SYNPR: variants seen among roughly 807,000 people sequenced by gnomAD.
SYNPR encodes the protein synaptoporin.
Under a neutral mutation model 32.9 loss-of-function variants are expected in SYNPR, and 23 were observed. The observed-to-expected ratio is 0.70, with a 90% confidence interval of 0.50 to 0.99. The LOEUF is 0.99. SYNPR is among the 50% of genes least tolerant of loss of function. SYNPR has a pLI of 0.00. For synonymous variants in SYNPR, 146 were observed against 135.9 expected, an observed-to-expected ratio of 1.07 and a Z score of -0.52; for missense variants, 318 against 349.3, an observed-to-expected ratio of 0.91 and a Z score of 0.71.
intron 2 of SYNPR, among the ~76,000 whole-genome samples, chr3:63,354,870 C>A (rs999973344): frequency 1.3e-5 from 2 of 152,172 alleles, no homozygotes; most frequent in African/African-American, 4.8e-5. Context: ...ATTTGTTGAG[C>A]ACTTTCACAT....
chr3:63,298,782 A>T (rs1308492996), intron 2 of SYNPR, among the ~76,000 whole-genome samples: 1 of 152,164 alleles, frequency 6.6e-6, no homozygotes, highest in Non-Finnish European at 1.5e-5. Flanking sequence ...AATGGAAGTA[A>T]AGCAATAGTG....
chr3:63,448,598 T>C (rs1700322287), intron 2 of SYNPR, among the ~76,000 whole-genome samples: 1 of 152,100 alleles, frequency 6.6e-6, no homozygotes, highest in Non-Finnish European at 1.5e-5. Flanking sequence ...TGAAATTGAA[T>C]GGCAGAGGAA....
At chr3:63,488,767 T>C (rs1324766804) in intron 3 of SYNPR, among the ~76,000 whole-genome samples, 1 of 152,156 alleles carries the variant, frequency 6.6e-6, no homozygotes, top group African/African-American at 2.4e-5. Flanking sequence ...ATGACAGTCC[T>C]GTTTGGAAGT....
intron 2 of SYNPR, among the ~76,000 whole-genome samples, chr3:63,461,687 T>C (rs1056442207): frequency 2.6e-5 from 4 of 151,818 alleles, no homozygotes; most frequent in Non-Finnish European, 4.4e-5. Flanking sequence ...AAGAAGGGTG[T>C]CTCTGGATTT....
chr3:63,204,715 G>A, the SYNPR span, among the ~76,000 whole-genome samples: 1 of 150,842 alleles, frequency 6.6e-6, no homozygotes, highest in Non-Finnish European at 1.5e-5. Flanking sequence ...AGACAGTCTC[G>A]CTCTGTCACC....
chr3:63,420,457 A>G (rs1385426167), intron 2 of SYNPR, among the ~76,000 whole-genome samples: 1 of 152,210 alleles, frequency 6.6e-6, no homozygotes, highest in Non-Finnish European at 1.5e-5. Flanking sequence ...AATCAGTGCA[A>G]AAATGAACTA....
At chr3:63,349,151 G>A (rs2087474679) in intron 2 of SYNPR, among the ~76,000 whole-genome samples, 1 of 151,284 alleles carries the variant, frequency 6.6e-6, no homozygotes, top group South Asian at 2.1e-4. Context: ...CACCCAGACT[G>A]GAGTGCAGTG....
chr3:63,411,801 C>T (rs111740422), intron 2 of SYNPR, among the ~76,000 whole-genome samples: 2,387 of 152,198 alleles, frequency 0.016, 59 homozygotes, highest in African/African-American at 0.054. Flanking sequence ...GAAGAACATG[C>T]AGAGTCTTGA....
At chr3:63,486,568 G>C (rs1701159235) in intron 3 of SYNPR, among the ~76,000 whole-genome samples, 1 of 152,056 alleles carries the variant, frequency 6.6e-6, no homozygotes, top group South Asian at 2.1e-4. Flanking sequence ...TTGATCTCAG[G>C]GGCTGCCTCT....
At chr3:63,465,903 T>G (rs1700669335) in intron 2 of SYNPR, among the ~76,000 whole-genome samples, 1 of 152,232 alleles carries the variant, frequency 6.6e-6, no homozygotes, top group Non-Finnish European at 1.5e-5. Flanking sequence ...TAAGACCTTT[T>G]TGGTTTTTTA....
intron 2 of SYNPR, among the ~76,000 whole-genome samples, chr3:63,408,224 GGAAGGAAAGAAAGAAA>G (rs1260619652): frequency 9.0e-5 from 4 of 44,628 alleles, no homozygotes; most frequent in African/African-American, 1.4e-4. Context: ...AAGGAAGGAA[GGAAGGAAAGAAAGAAA>G]GAAAGAAAGA....
At chr3:63,545,690 G>A (rs926304947) in intron 3 of SYNPR, among the ~76,000 whole-genome samples, 9 of 152,094 alleles carry the variant, frequency 5.9e-5, no homozygotes, top group African/African-American at 2.2e-4. Context: ...ATTAAAGATT[G>A]TGTTTAATTT....
At chr3:63,205,006 T>C in the SYNPR span, among the ~76,000 whole-genome samples, 4 of 152,118 alleles carry the variant, frequency 2.6e-5, no homozygotes, top group Admixed American at 1.3e-4. Context: ...TCTTTATCTG[T>C]TGACTCTGAC....
chr3:63,408,467 A>T (rs920746878), intron 2 of SYNPR, among the ~76,000 whole-genome samples: 1 of 152,270 alleles, frequency 6.6e-6, no homozygotes, highest in East Asian at 1.9e-4. Flanking sequence ...CAAGCTGGAG[A>T]ACCAGGGAAG....
At chr3:63,319,040 C>T (rs570131999) in intron 2 of SYNPR, among the ~76,000 whole-genome samples, 1 of 152,042 alleles carries the variant, frequency 6.6e-6, no homozygotes, top group Admixed American at 6.6e-5. Context: ...CTGGGTCTAG[C>T]CACCCAGCGA....
intron 3 of SYNPR, among the ~76,000 whole-genome samples, chr3:63,556,274 A>G (rs993233550): frequency 9.9e-5 from 15 of 152,214 alleles, no homozygotes; most frequent in African/African-American, 3.4e-4. Context: ...CTAATTTATC[A>G]TGATTTCAGG....
intron 3 of SYNPR, among the ~76,000 whole-genome samples, chr3:63,541,322 A>G (rs1239644526): frequency 6.6e-6 from 1 of 152,014 alleles, no homozygotes; most frequent in African/African-American, 2.4e-5. Flanking sequence ...CTCTAATTGC[A>G]CATGGTAGAA....
chr3:63,233,227 T>C (rs1242817615), intron 1 of SYNPR, among the ~76,000 whole-genome samples: 1 of 152,184 alleles, frequency 6.6e-6, no homozygotes, highest in African/African-American at 2.4e-5. Flanking sequence ...GCCCAGCAGA[T>C]TCTTAAGCCG....
At chr3:63,422,647 A>C (rs372825528) in intron 2 of SYNPR, among the ~76,000 whole-genome samples, 6 of 152,210 alleles carry the variant, frequency 3.9e-5, no homozygotes, top group African/African-American at 1.4e-4. Flanking sequence ...CAAAATATTG[A>C]AAGTCTAAAA....
Sources: gnomAD v4.1 joint callset for allele counts (sites outside exome capture counted in the v4.1 genomes callset) on GRCh38, gnomAD v4.1.1 for gene constraint, MANE v1.5 for transcripts, NCBI Gene and HGNC (gene_info 2026-07-23, HGNC 2026-07-21) for gene names.